Variants in CACNA2D3 observed in about 807,000 individuals in gnomAD.
CACNA2D3 encodes the protein calcium voltage-gated channel auxiliary subunit alpha2delta 3, also known as voltage-dependent calcium channel subunit alpha-2/delta-3.
CACNA2D3 carries 60 observed loss-of-function variants against 160.6 expected under a neutral mutation model. The ratio of observed to expected loss-of-function variants is 0.37; its 90% confidence interval spans 0.30 to 0.46. The LOEUF is 0.46. CACNA2D3 is among the 20% of genes least tolerant of loss of function. The pLI, the probability that CACNA2D3 is intolerant of heterozygous loss-of-function variation, is 1.00. For missense variants in CACNA2D3, 1,205 were observed against 1,365.0 expected, an observed-to-expected ratio of 0.88 and a Z score of 1.85; for synonymous variants, 558 against 492.9, an observed-to-expected ratio of 1.13 and a Z score of -1.75.
At chr3:54,303,396 T>G (rs1014441478) in intron 2 of CACNA2D3, among the ~76,000 whole-genome samples, 1 of 152,244 alleles carries the variant, frequency 6.6e-6, no homozygotes, top group Middle Eastern at 3.2e-3. Flanking sequence ...GAAATTGTTT[T>G]GTTGGTTTGT....
chr3:54,583,779 T>C (rs1470148745), intron 9 of CACNA2D3, among the ~76,000 whole-genome samples: 1 of 151,952 alleles, frequency 6.6e-6, no homozygotes, highest in African/African-American at 2.4e-5. Context: ...AAGGAGAAAA[T>C]GAAATGTCTA....
intron 14 of CACNA2D3, among the ~76,000 whole-genome samples, chr3:54,830,611 C>T (rs963560853): frequency 1.2e-4 from 18 of 151,984 alleles, no homozygotes; most frequent in Non-Finnish European, 2.5e-4. Context: ...GCCCCCACCA[C>T]GCCCAGCTAA....
At chr3:54,997,569 GA>G (rs146037381) in intron 31 of CACNA2D3, among the ~76,000 whole-genome samples, 1 of 110,558 alleles carries the variant, frequency 9.0e-6, no homozygotes, top group African/African-American at 3.5e-5. Context: ...CAAAAAAAAA[GA>G]AAAAAATTAA....
At chr3:54,862,355 C>G (rs1294947062) in intron 17 of CACNA2D3, among the ~76,000 whole-genome samples, 1 of 149,486 alleles carries the variant, frequency 6.7e-6, no homozygotes, top group East Asian at 2.0e-4. Flanking sequence ...AGCTATTAAA[C>G]CAAGCATCTC....
intron 2 of CACNA2D3, among the ~76,000 whole-genome samples, chr3:54,290,509 C>A (rs1343543326): frequency 6.6e-6 from 1 of 151,714 alleles, no homozygotes; most frequent in African/African-American, 2.4e-5. Context: ...GGCGATTCCT[C>A]AGGGATCTAG....
chr3:54,276,234 T>C (rs1296378062), intron 2 of CACNA2D3, among the ~76,000 whole-genome samples: 1 of 151,776 alleles, frequency 6.6e-6, no homozygotes, highest in Non-Finnish European at 1.5e-5. Context: ...ACTGGAAAGA[T>C]GAAGATGGGA....
At chr3:54,587,721 AT>A (rs1702787543) in intron 9 of CACNA2D3, among the ~76,000 whole-genome samples, 1 of 152,186 alleles carries the variant, frequency 6.6e-6, no homozygotes, top group African/African-American at 2.4e-5. Context: ...TTAGAAAAAA[AT>A]TGATCAAATT....
At chr3:54,150,520 T>C (rs752648978) in intron 2 of CACNA2D3, among the ~76,000 whole-genome samples, 2 of 152,180 alleles carry the variant, frequency 1.3e-5, no homozygotes, top group Middle Eastern at 3.2e-3. Flanking sequence ...TAGTCTAAGT[T>C]TGGGAACATA....
At chr3:54,135,884 A>G (rs1293608644) in intron 2 of CACNA2D3, among the ~76,000 whole-genome samples, 1 of 152,200 alleles carries the variant, frequency 6.6e-6, no homozygotes, top group Non-Finnish European at 1.5e-5. Flanking sequence ...CAGGTCCTGA[A>G]TGCTGGAGTC....
intron 4 of CACNA2D3, among the ~76,000 whole-genome samples, chr3:54,482,804 A>G (rs1700954893): frequency 6.6e-6 from 1 of 152,176 alleles, no homozygotes; most frequent in Non-Finnish European, 1.5e-5. Context: ...CATTTGGAAA[A>G]TGTAGCTTCT....
intron 17 of CACNA2D3, among the ~76,000 whole-genome samples, chr3:54,867,793 C>T (rs1475029615): frequency 6.6e-6 from 1 of 152,192 alleles, no homozygotes; most frequent in African/African-American, 2.4e-5. Flanking sequence ...TGGATAAATC[C>T]AGGAATGCAT....
intron 6 of CACNA2D3, among the ~76,000 whole-genome samples, chr3:54,563,784 C>G (rs1156407633): frequency 6.6e-6 from 1 of 152,128 alleles, no homozygotes; most frequent in Non-Finnish European, 1.5e-5. Context: ...TTAAGTAAGA[C>G]TAGGCACCTG....
At chr3:54,541,060 G>A (rs530779965) in intron 5 of CACNA2D3, among the ~76,000 whole-genome samples, 8 of 152,052 alleles carry the variant, frequency 5.3e-5, no homozygotes, top group East Asian at 3.9e-4. Flanking sequence ...GGCAGATCAC[G>A]AGGTCAGGAT....
intron 2 of CACNA2D3, among the ~76,000 whole-genome samples, chr3:54,313,586 C>G (rs1451443254): frequency 1.3e-5 from 2 of 152,142 alleles, no homozygotes; most frequent in Admixed American, 1.3e-4. Context: ...GCTCACTTCA[C>G]TGGCCTCATC....
intron 35 of CACNA2D3, among the ~76,000 whole-genome samples, chr3:55,024,317 A>G (rs1021101308): frequency 2.0e-5 from 3 of 151,760 alleles, no homozygotes; most frequent in Non-Finnish European, 4.4e-5. Context: ...ATTTAGCGTA[A>G]TGCCTGAATC....
At chr3:54,729,611 A>G (rs1377633423) in intron 11 of CACNA2D3, among the ~76,000 whole-genome samples, 2 of 152,192 alleles carry the variant, frequency 1.3e-5, no homozygotes, top group African/African-American at 4.8e-5. Flanking sequence ...GAGTGTTATC[A>G]ATAAGAGTAT....
chr3:54,366,508 T>C (rs1436221411), intron 3 of CACNA2D3, among the ~76,000 whole-genome samples: 1 of 152,168 alleles, frequency 6.6e-6, no homozygotes, highest in Non-Finnish European at 1.5e-5. Context: ...GATCAGAAAA[T>C]GTTTAAACCC....
chr3:54,342,965 G>A (rs574556672), intron 3 of CACNA2D3, among the ~76,000 whole-genome samples: 3 of 152,324 alleles, frequency 2.0e-5, no homozygotes, highest in East Asian at 1.9e-4. Context: ...GAGTTTGCAC[G>A]TTTGTGCCAA....
At chr3:54,915,313 C>T (rs985909365) in intron 27 of CACNA2D3, among the ~76,000 whole-genome samples, 1 of 152,134 alleles carries the variant, frequency 6.6e-6, no homozygotes, top group Non-Finnish European at 1.5e-5. Flanking sequence ...CAGACAGCTA[C>T]AATATCTGTG....
Sources: gnomAD v4.1 joint callset for allele counts (sites outside exome capture counted in the v4.1 genomes callset) on GRCh38, gnomAD v4.1.1 for gene constraint, MANE v1.5 for transcripts, NCBI Gene and HGNC (gene_info 2026-07-23, HGNC 2026-07-21) for gene names.